CNBD1: variants seen among roughly 807,000 people sequenced by gnomAD.
The protein encoded by CNBD1 is cyclic nucleotide binding domain containing 1, also known as cyclic nucleotide-binding domain-containing protein 1.
A neutral mutation model predicts 54.4 loss-of-function variants in CNBD1; 71 were observed. That is an observed-to-expected ratio of 1.30 (90% CI 1.08 to 1.59). CNBD1 has a LOEUF of 1.59. Among genes scored for constraint, CNBD1 ranks in the 40% most tolerant of loss-of-function variants. CNBD1 has a pLI of 0.00. For missense variants in CNBD1, 659 were observed against 518.0 expected (o/e 1.27, Z -2.64); for synonymous variants, 182 against 170.7 (o/e 1.07, Z -0.51).
intron 8 of CNBD1, among the ~76,000 whole-genome samples, chr8:87,329,252 C>T (rs1030823549): frequency 1.2e-4 from 19 of 152,178 alleles, no homozygotes; most frequent in Admixed American, 9.2e-4. Flanking sequence ...TCTGGGCTTA[C>T]ATTGATCTAT....
intron 4 of CNBD1, among the ~76,000 whole-genome samples, chr8:87,202,932 CCTG>C (rs1813894875): frequency 6.6e-6 from 1 of 152,064 alleles, no homozygotes; most frequent in African/African-American, 2.4e-5. Flanking sequence ...CCCCATGAGG[CCTG>C]CCAGCTAAAG....
chr8:86,932,592 C>G (rs1050915830), intron 3 of CNBD1, among the ~76,000 whole-genome samples: 1 of 152,124 alleles, frequency 6.6e-6, no homozygotes. Flanking sequence ...TTTGCCTTCC[C>G]TCTTACAGAA....
At chr8:87,153,753 C>T (rs1448878098) in intron 4 of CNBD1, among the ~76,000 whole-genome samples, 1 of 152,164 alleles carries the variant, frequency 6.6e-6, no homozygotes, top group Non-Finnish European at 1.5e-5. Context: ...GTGGCTTCTG[C>T]ACTTACATAG....
chr8:87,311,603 CTAAAA>C (rs981222883), intron 8 of CNBD1, among the ~76,000 whole-genome samples: 4 of 151,990 alleles, frequency 2.6e-5, no homozygotes, highest in African/African-American at 4.8e-5. Flanking sequence ...GAGTATATAT[CTAAAA>C]TAAAATAAAT....
rs79264156 is a variant in CNBD1 at position 87,423,487 on chromosome 8, G to C, written c.214-5059G>C. On this transcript the variant is annotated intron_variant, in intron 2 of 7. Transcript: ENST00000521593. ...TTTATTGAGAGTTTTTAGCATGAAG[G>C]GTTGTTGAATTTTGTCAAAGGCCTT... Among the ~76,000 whole-genome samples the C allele has an allele frequency of 8.8e-4, 133 of 151,602 alleles. No homozygotes were observed. The East Asian group carries it at 0.017, about 20-fold the overall frequency.
chr8:87,117,598 G>A (rs1475425296), intron 4 of CNBD1, among the ~76,000 whole-genome samples: 1 of 152,006 alleles, frequency 6.6e-6, no homozygotes, highest in African/African-American at 2.4e-5. Flanking sequence ...ATTTACTGCT[G>A]GTCTTTCATT....
At chr8:86,943,320 T>C (rs1053417965) in intron 4 of CNBD1, among the ~76,000 whole-genome samples, 3 of 139,680 alleles carry the variant, frequency 2.1e-5, no homozygotes, top group African/African-American at 8.3e-5. Flanking sequence ...CGAGCCGAGA[T>C]TGGGCCACTG....
chr8:87,307,224 G>A (rs1399183906), intron 8 of CNBD1, among the ~76,000 whole-genome samples: 4 of 152,112 alleles, frequency 2.6e-5, no homozygotes, highest in South Asian at 2.1e-4. Flanking sequence ...CAATGCAAAC[G>A]AAAATTGTAT....
intron 4 of CNBD1, among the ~76,000 whole-genome samples, chr8:87,137,373 A>AT (rs1047825620): frequency 1.7e-3 from 245 of 145,550 alleles, no homozygotes; most frequent in African/African-American, 4.9e-3. Flanking sequence ...ATATTTTTGA[A>AT]TTTTTTTTTT....
intron 5 of CNBD1, among the ~76,000 whole-genome samples, chr8:87,227,062 C>A (rs1017893448): frequency 4.0e-5 from 6 of 151,296 alleles, no homozygotes; most frequent in Non-Finnish European, 8.9e-5. Flanking sequence ...AGGATTGCAA[C>A]CCCTGCCTTT....
At chr8:87,020,974 A>G (rs113524160) in intron 4 of CNBD1, among the ~76,000 whole-genome samples, 2 of 152,322 alleles carry the variant, frequency 1.3e-5, no homozygotes, top group African/African-American at 4.8e-5. Flanking sequence ...TCCATCCCAG[A>G]TCTTCAGACA....
At chr8:87,039,985 C>A (rs1000837920) in intron 4 of CNBD1, among the ~76,000 whole-genome samples, 1 of 152,282 alleles carries the variant, frequency 6.6e-6, no homozygotes, top group South Asian at 2.1e-4. Flanking sequence ...GTGGTGACAG[C>A]TGATCCATCA....
intron 4 of CNBD1, among the ~76,000 whole-genome samples, chr8:86,961,798 T>A (rs111782649): frequency 0.036 from 5,541 of 152,344 alleles, 120 homozygotes; most frequent in Non-Finnish European, 0.044. Flanking sequence ...TTTATTTTTC[T>A]TTCAAAATAG....
At chr8:87,352,843 G>A (rs1468884774) in intron 9 of CNBD1, among the ~76,000 whole-genome samples, 8 of 152,160 alleles carry the variant, frequency 5.3e-5, no homozygotes, top group African/African-American at 1.4e-4. Flanking sequence ...ATCATATTCA[G>A]TGTAAAGATT....
In CNBD1 at chr8:86,973,744, G is replaced by A. The variant is rs191670101; in HGVS notation, c.431+33990G>A. 2.0e-5 allele frequency among the ~76,000 whole-genome samples: 3 copies of A among 152,246 alleles called. No individual in the cohort carries two copies. The East Asian group carries it at 5.8e-4, about 29-fold the overall frequency. ...AATTCCACAGAGCTTAAACCAGACA[G>A]GGATTAACAACAGTTTGAGCTGTCT... is the stretch of plus-strand genomic sequence containing the variant. On this transcript the variant is annotated intron_variant, in intron 4 of 10. Transcript: ENST00000518476.
chr8:87,220,869 TAGTTGTCTACA>T (rs1365611899), intron 5 of CNBD1, among the ~76,000 whole-genome samples: 2 of 148,074 alleles, frequency 1.4e-5, no homozygotes, highest in Non-Finnish European at 3.0e-5. Flanking sequence ...AATATCTCGA[TAGTTGTCTACA>T]AATGATCAGA....
chr8:87,285,416 T>G (rs554469082), intron 7 of CNBD1, among the ~76,000 whole-genome samples: 1 of 152,304 alleles, frequency 6.6e-6, no homozygotes, highest in African/African-American at 2.4e-5. Context: ...TTTTTCCTCC[T>G]TTGGATATCA....
intron 4 of CNBD1, among the ~76,000 whole-genome samples, chr8:86,957,623 G>A (rs898552356): frequency 2.6e-5 from 4 of 152,166 alleles, no homozygotes; most frequent in Admixed American, 2.0e-4. Flanking sequence ...GCATGGAGGT[G>A]TTTATAGTAT....
At chr8:87,227,983 C>A (rs1468794724) in intron 5 of CNBD1, among the ~76,000 whole-genome samples, 1 of 150,918 alleles carries the variant, frequency 6.6e-6, no homozygotes, top group African/African-American at 2.5e-5. Context: ...CGCTTCATTT[C>A]ATTCATTTCA....
Sources: allele counts gnomAD v4.1 joint callset (sites outside exome capture counted in the v4.1 genomes callset), GRCh38; gene constraint gnomAD v4.1.1; transcripts MANE v1.5; gene names NCBI Gene and HGNC (gene_info 2026-07-23, HGNC 2026-07-21).